The following DDX51 variants were observed in gnomAD, a reference collection of about 807,000 sequenced individuals.
DDX51 encodes DEAD-box helicase 51, also known as ATP-dependent RNA helicase DDX51.
In DDX51, 67 loss-of-function variants were observed where a neutral mutation model predicts 74.6. The observed-to-expected ratio is 0.90, with a 90% CI of 0.74 to 1.10. The LOEUF is 1.10. DDX51 is among the 50% of genes least tolerant of loss of function. The probability of loss-of-function intolerance (pLI) is 0.00; values close to 1 mark genes in which losing one functional copy is unlikely to be tolerated. For missense variants in DDX51, 1,056 were observed against 905.2 expected, an observed-to-expected ratio of 1.17 and a Z score of -2.14; for synonymous variants, 545 against 402.9, an observed-to-expected ratio of 1.35 and a Z score of -4.22.
chr12:132,141,449 G>A, intron 7 of DDX51, 29 bp from the exon 8 acceptor site: 1 of 1,583,858 alleles, frequency 6.3e-7, no homozygotes, highest in Non-Finnish European at 8.6e-7. Context: ...CCGGGACTGG[G>A]TGGCGCGGCC....
chr12:132,138,992 C>T lies in DDX51; in HGVS notation c.*280G>A. 1 of 479,834 alleles carries T rather than the reference C, an allele frequency of 2.1e-6. No homozygotes were observed. The highest frequency in any genetic ancestry group is 3.1e-5 in the East Asian group (1 of 32,226). The allele number at this position is 479,834 out of a possible 1,614,324, so 29.7% of individuals were successfully genotyped here. A position where few individuals can be genotyped will look rare whatever the true frequency, so the allele number is the denominator to read the frequency against. ...GCAAAAGCATGACGGGTGCCCGCGT[C>T]CGTCTGGGAGTACTTTTCACCGTTT... is the stretch of plus-strand genomic sequence containing the variant. On this transcript the variant is annotated 3_prime_UTR_variant, in exon 15 of 15. Coordinates refer to ENST00000397333, the MANE Select transcript of DDX51 (RefSeq NM_175066.4).
rs764349900 is a variant in DDX51 at position 132,141,846 on chromosome 12, C to T, written c.995+4G>A. The T allele has an allele frequency of 3.1e-6, 5 of 1,612,898 alleles. No homozygotes were observed. In the South Asian group the frequency reaches 3.3e-5, roughly 11 times the overall value. On this transcript the variant is annotated splice_donor_region_variant and intron_variant, in intron 6 of 14. Coordinates refer to ENST00000397333, the MANE Select transcript of DDX51 (RefSeq NM_175066.4). Reference sequence around the variant, plus strand: ...TGAAAAACCCGCACCCTGACACAACCTACGTTTTCTGGACGAGGCTCTCCT... The same window carrying T: ...TGAAAAACCCGCACCCTGACACAACTTACGTTTTCTGGACGAGGCTCTCCT...
rs1000819124 is a variant in DDX51, at chr12:132,143,415, G to A, written c.519+280C>T. ...ACGGCCTCTGACTTACTCCTGAGGC[G>A]GTGAGCGCACAGCAGGAAACCCCGC... On this transcript the variant is annotated intron_variant, in intron 2 of 14. Transcript: ENST00000397333. 8.0e-5 allele frequency: 44 copies of A among 551,800 alleles called. 2 individuals are homozygous for A. The highest frequency in any genetic ancestry group is 6.3e-4 in the South Asian group (29 of 46,148). 34.2% of individuals were successfully genotyped at this position (551,800 alleles called of 1,614,324 possible).
intron 2 of DDX51, 27 bp downstream of exon 2, chr12:132,143,668 A>G: frequency 6.5e-7 from 1 of 1,533,794 alleles, no homozygotes; most frequent in Non-Finnish European, 8.7e-7. Flanking sequence ...TCTCACGCCG[A>G]CCACCCTCCC....
chr12:132,144,318 T>G lies in DDX51; in HGVS notation c.-22A>C. On this transcript the variant is annotated 5_prime_UTR_variant, in exon 1 of 15. Transcript: ENST00000397333. ...CCATGGCCAGCCGCACGCCTGGGAC[T>G]CGGGCGTGGCGCGCTGCGATGACGT... is the stretch of plus-strand genomic sequence containing the variant. The G allele has an allele frequency of 7.4e-7, 1 of 1,347,372 alleles. No individual in the cohort carries two copies. The highest frequency in any genetic ancestry group is 9.5e-7 in the Non-Finnish European group (1 of 1,054,082). The allele number at this position is 1,347,372 out of a possible 1,614,324, so 83.5% of individuals were successfully genotyped here.
chr12:132,143,896 C>T lies in DDX51; in HGVS notation c.318G>A (p.Glu106=). ...GEDAGAESNE[E]APGEPSAGSS... is the part of the protein sequence containing the mutation. Reference sequence around the variant, plus strand: ...TCCCTGCGCTGGGCTCCCCTGGCGCCTCCTCGTTGCTTTCTGCGAGGCAGA... The same window carrying T: ...TCCCTGCGCTGGGCTCCCCTGGCGCTTCCTCGTTGCTTTCTGCGAGGCAGA... Residue 106 remains glutamate, a synonymous_variant, in exon 2 of 15, where the codon GAG becomes GAA. Transcript: ENST00000397333. The T allele has an allele frequency of 6.6e-7, 1 of 1,517,676 alleles. No individual in the cohort carries two copies. The highest frequency in any genetic ancestry group is 1.5e-5 in the African/African-American group (1 of 68,054). 94.0% of individuals were successfully genotyped at this position (1,517,676 alleles called of 1,614,324 possible).
In DDX51 at chr12:132,136,688, G is replaced by C. The variant is rs966367316; in HGVS notation, c.*2584C>G. On this transcript the variant is annotated 3_prime_UTR_variant, in exon 15 of 15. Coordinates refer to ENST00000397333, the MANE Select transcript of DDX51 (RefSeq NM_175066.4). Reference sequence around the variant, plus strand: ...GCTAAGTTGTAGTAAAGATGTCAAGGTTTCTTTTTTTTCTGTCGCCAGGCT... The same window carrying C: ...GCTAAGTTGTAGTAAAGATGTCAAGCTTTCTTTTTTTTCTGTCGCCAGGCT... The C allele has an allele frequency of 6.6e-6, 1 of 152,282 alleles. No homozygotes were observed. The highest frequency in any genetic ancestry group is 1.5e-5 in the Non-Finnish European group (1 of 68,128). 9.4% of individuals were successfully genotyped at this position (152,282 alleles called of 1,614,324 possible).
Position 132,143,738 on chromosome 12 carries a change from G to C in DDX51, c.476C>G (p.Pro159Arg). The change falls in exon 2 of 15, where the codon CCC (proline) becomes CGC (arginine). Residue 159 changes from proline (P) to arginine (R), a missense_variant. Transcript: ENST00000397333. The part of the protein sequence containing the change: ...ALEEAAGPLV[P>R]GLVLGGFGKR... ...CCCGAACCCCCCCAGCACCAGGCCG[G>C]GGACCAGGGGTCCGGCCGCCTCCTC... is the stretch of plus-strand genomic sequence containing the variant. 2 of 1,530,582 alleles carry C rather than the reference G, an allele frequency of 1.3e-6. No individual in the cohort carries two copies. Among genetic ancestry groups the C allele is most frequent in the South Asian group, 1.2e-5 (1 of 83,342 alleles). The allele number at this position is 1,530,582 out of a possible 1,614,324, so 94.8% of individuals were successfully genotyped here. A position where few individuals can be genotyped will look rare whatever the true frequency, so the allele number is the denominator to read the frequency against.
At position 132,139,432 on chromosome 12, in the gene DDX51, C is replaced by T. The variant is rs917081786; in HGVS notation, c.1975-134G>A. The T allele has an allele frequency of 2.5e-5, 38 of 1,521,454 alleles. 1 individual carries two copies. The Middle Eastern group carries it at 1.3e-3, about 51-fold the overall frequency. The allele number at this position is 1,521,454 out of a possible 1,614,324, so 94.2% of individuals were successfully genotyped here. ...AGAAACCAGGCCCTGGCCCCGCTGA[C>T]AGCCCTCCCTGGTGCCACGTGTTTC... is the stretch of plus-strand genomic sequence containing the variant. On this transcript the variant is annotated intron_variant, in intron 14 of 14. Coordinates refer to ENST00000397333, the MANE Select transcript of DDX51 (RefSeq NM_175066.4).
Position 132,144,015 on chromosome 12 carries a change from C to G in DDX51, c.282G>C (p.Ala94=). ...PEAPQGKRRK[A]DGEDAGAESN... Reference sequence around the variant, plus strand: ...CACCTGCGCCCGCGTCCTCGCCGTCCGCCTTCCGTCGCTTTCCCTGCGGCG... The same window carrying G: ...CACCTGCGCCCGCGTCCTCGCCGTCGGCCTTCCGTCGCTTTCCCTGCGGCG... The change falls in exon 1 of 15, where the codon GCG becomes GCC. Residue 94 remains alanine (A), a synonymous_variant. Coordinates refer to ENST00000397333, the MANE Select transcript of DDX51 (RefSeq NM_175066.4). The G allele has an allele frequency of 1.5e-6, 2 of 1,369,722 alleles. No homozygotes were observed. Among genetic ancestry groups the G allele is most frequent in the South Asian group, 1.7e-5 (1 of 58,088 alleles). The allele number at this position is 1,369,722 out of a possible 1,614,324, so 84.8% of individuals were successfully genotyped here. A position where few individuals can be genotyped will look rare whatever the true frequency, so the allele number is the denominator to read the frequency against.
intron 14 of DDX51, 118 bp from the exon 15 acceptor site, chr12:132,139,416 GC>G: frequency 6.5e-7 from 1 of 1,539,004 alleles, no homozygotes. Flanking sequence ...CAGAAACCAG[GC>G]CCTGGCCCCG....
At position 132,139,023 on chromosome 12, in the gene DDX51, A is replaced by C. The variant is rs891470353; in HGVS notation, c.*249T>G. 5.8e-5 allele frequency: 31 copies of C among 530,962 alleles called. 1 individual carries two copies. Among genetic ancestry groups the C allele is most frequent in the Non-Finnish European group, 9.7e-5 (29 of 300,362 alleles). 32.9% of individuals were successfully genotyped at this position (530,962 alleles called of 1,614,324 possible). A position where few individuals can be genotyped will look rare whatever the true frequency, so the allele number is the denominator to read the frequency against. On this transcript the variant is annotated 3_prime_UTR_variant, in exon 15 of 15. Coordinates refer to ENST00000397333, the MANE Select transcript of DDX51 (RefSeq NM_175066.4). Reference sequence around the variant, plus strand: ...GGGAGTACTTTTCACCGTTTTACTAAGGCTTCATTGCCCGCAGCCATCCTG... The same window carrying C: ...GGGAGTACTTTTCACCGTTTTACTACGGCTTCATTGCCCGCAGCCATCCTG...
intron 6 of DDX51, 61 bp from the exon 7 acceptor site, chr12:132,141,667 A>T: frequency 6.6e-7 from 1 of 1,519,288 alleles, no homozygotes; most frequent in Non-Finnish European, 8.8e-7. Context: ...GGATAGCAAG[A>T]CGCTGCCTCA....
intron 3 of DDX51, 49 bp from the exon 4 acceptor site, chr12:132,142,471 G>A: frequency 6.3e-7 from 1 of 1,586,594 alleles, no homozygotes; most frequent in African/African-American, 1.3e-5. Flanking sequence ...CTAGGCCTAG[G>A]CCTGCCGCTT....
In DDX51 at chr12:132,144,072, C is replaced by T. The variant is rs1188033894; in HGVS notation, c.225G>A (p.Arg75=). 2.2e-5 allele frequency: 27 copies of T among 1,225,348 alleles called. No homozygotes were observed. The highest frequency in any genetic ancestry group is 2.7e-5 in the Non-Finnish European group (27 of 984,746). 75.9% of individuals were successfully genotyped at this position (1,225,348 alleles called of 1,614,324 possible). The change falls in exon 1 of 15, where the codon CGG becomes CGA. Residue 75 remains arginine, a synonymous_variant. Transcript: ENST00000397333. The part of the protein sequence containing the change: ...RRRRRPRRRR[R]VNDAEPGSPE... ...GGCTCCCCGGCTCCGCGTCGTTCAC[C>T]CGCCGCCGCCGCCGGGGCCGCCGTC...
At position 132,139,120 on chromosome 12, in the gene DDX51, G is replaced by T. The variant is rs1593417844; in HGVS notation, c.*152C>A. ...CAGGTGCTTGAGCTCTGACGCCCGG[G>T]CTGCCTGGCGCAGAGACCACGTGCT... On this transcript the variant is annotated 3_prime_UTR_variant, in exon 15 of 15. Coordinates refer to ENST00000397333, the MANE Select transcript of DDX51 (RefSeq NM_175066.4). 8 of 1,192,526 alleles carry T rather than the reference G, an allele frequency of 6.7e-6. No individual in the cohort carries two copies. The East Asian group carries it at 2.1e-4, about 31-fold the overall frequency. The allele number at this position is 1,192,526 out of a possible 1,614,324, so 73.9% of individuals were successfully genotyped here.
intron 1 of DDX51, 28 bp from the exon 2 acceptor site, chr12:132,143,937 G>A (rs1214966389): frequency 3.4e-6 from 5 of 1,482,948 alleles, no homozygotes; most frequent in East Asian, 5.8e-5. Context: ...ACCCGGCAGC[G>A]CGTCAGCACC....
chr12:132,144,071 CCCGCCGCCGCCGCCGGGG>C lies in DDX51; in HGVS notation c.208_225del (p.Pro70_Arg75del). The C allele has an allele frequency of 8.0e-7, 1 of 1,245,950 alleles. No individual in the cohort carries two copies. Among genetic ancestry groups the C allele is most frequent in the Non-Finnish European group, 1.0e-6 (1 of 997,686 alleles). The allele number at this position is 1,245,950 out of a possible 1,614,324, so 77.2% of individuals were successfully genotyped here. Reference sequence around the variant, plus strand: ...GGGCTCCCCGGCTCCGCGTCGTTCACCCGCCGCCGCCGCCGGGGCCGCCGTCGCCTCCTGGTCGCCGGC... The same window carrying C: ...GGGCTCCCCGGCTCCGCGTCGTTCACCCGCCGTCGCCTCCTGGTCGCCGGC... On this transcript the variant is annotated inframe_deletion, in exon 1 of 15. Transcript: ENST00000397333.
At chr12:132,139,990 C>G (rs1024206337) in intron 12 of DDX51, 66 bp from the exon 13 acceptor site, 7 of 1,609,654 alleles carry the variant, frequency 4.3e-6, no homozygotes, top group Admixed American at 1.7e-5. Flanking sequence ...GGAACGACAG[C>G]TTCTCTCCAC....
Sources: allele counts gnomAD v4.1 joint callset, GRCh38; gene constraint gnomAD v4.1.1; transcripts MANE v1.5; gene names NCBI Gene and HGNC (gene_info 2026-07-23, HGNC 2026-07-21).